Variants in NKD1 observed in about 807,000 individuals in gnomAD.
The protein encoded by NKD1 is protein naked cuticle homolog 1.
Under a neutral mutation model 56.0 loss-of-function variants are expected in NKD1, and 21 were observed. That is an observed-to-expected ratio of 0.38 (90% CI 0.27 to 0.54). The LOEUF is 0.54. Among genes scored for constraint, NKD1 ranks in the 20% least tolerant of loss-of-function variants. The probability of loss-of-function intolerance (pLI) is 0.82; values close to 1 mark genes in which losing one functional copy is unlikely to be tolerated. For missense variants in NKD1, 578 were observed against 642.7 expected (o/e 0.90, Z 1.09); for synonymous variants, 263 against 265.7 (o/e 0.99, Z 0.10).
chr16:50,594,020 A>G (rs1040004233), intron 3 of NKD1, among the ~76,000 whole-genome samples: 3 of 152,160 alleles, frequency 2.0e-5, no homozygotes, highest in East Asian at 1.9e-4. Flanking sequence ...CTTCCTCCCA[A>G]ACTTACAGTC....
At chr16:50,611,364 T>TCCGCAGGGCGTGGTCCAGC (rs1961843100) in intron 4 of NKD1, among the ~76,000 whole-genome samples, 2 of 121,654 alleles carry the variant, frequency 1.6e-5, no homozygotes, top group East Asian at 4.1e-4. Flanking sequence ...GGAAGGCTGC[T>TCCGCAGGGCGTGGTCCAGC]CTGCAGCTTC....
chr16:50,570,893 G>T (rs1319971999), intron 3 of NKD1: 1 of 985,440 alleles, frequency 1.0e-6, no homozygotes. Context: ...GGCAGGTATT[G>T]GAGTGATGTA....
rs184258567 is a variant in NKD1, at chr16:50,633,512, G to A, written c.1144G>A (p.Ala382Thr). 9.1e-5 allele frequency: 146 copies of A among 1,609,758 alleles called. 1 individual carries two copies. In the East Asian group the frequency reaches 1.2e-3, roughly 13 times the overall value. Residue 382 changes from alanine (A) to threonine (T), a missense_variant, in exon 10 of 10, where the codon GCC (alanine) becomes ACC (threonine). By Grantham distance (58) the Ala-to-Thr change is moderately conservative (BLOSUM62 0). Coordinates refer to ENST00000268459, the MANE Select transcript of NKD1 (RefSeq NM_033119.5). This position sits in a 1 kb window ranked among gnomAD's most constrained non-coding sequence, Gnocchi z 4.9. The part of the protein sequence containing the change: ...GPAIPAVSPS[A>T]HLAASPALLP... ...CGCCATCCCTGCGGTGTCCCCCTCC[G>A]CCCACCTGGCTGCCAGCCCGGCCCT...
intron 3 of NKD1, chr16:50,573,914 T>C: frequency 2.0e-6 from 2 of 985,424 alleles, no homozygotes; most frequent in South Asian, 9.4e-5. Flanking sequence ...CTGTTGACTA[T>C]ATATGTCTGG....
At position 50,621,628 on chromosome 16, in the gene NKD1, G is replaced by T; in HGVS notation, c.286G>T (p.Gly96Trp). Reference protein sequence around the residue: ...EVALPPEKTDGLGSGDEKKME... With the variant: ...EVALPPEKTDWLGSGDEKKME... Reference sequence around the variant, plus strand: ...GGCCCTGCCTCCTGAGAAGACTGACGGGCTGGGCAGCGGAGATGAGAAGAA... The same window carrying T: ...GGCCCTGCCTCCTGAGAAGACTGACTGGCTGGGCAGCGGAGATGAGAAGAA... Residue 96 changes from glycine to tryptophan, a missense_variant, in exon 5 of 10, where the codon GGG (glycine) becomes TGG (tryptophan). Gly to Trp is a radical substitution (Grantham distance 184). Coordinates refer to ENST00000268459, the MANE Select transcript of NKD1 (RefSeq NM_033119.5). The T allele has an allele frequency of 1.2e-6, 2 of 1,613,916 alleles. No individual in the cohort carries two copies. Among genetic ancestry groups the T allele is most frequent in the Non-Finnish European group, 8.5e-7 (1 of 1,179,870 alleles).
intron 6 of NKD1, among the ~76,000 whole-genome samples, chr16:50,626,511 G>A (rs1962218416): frequency 6.6e-6 from 1 of 152,200 alleles, no homozygotes; most frequent in Non-Finnish European, 1.5e-5. Context: ...CCTTGGGGGA[G>A]TCCTGGGCAG....
At chr16:50,606,728 C>T (rs566800062) in intron 3 of NKD1, 4 of 443,754 alleles carry the variant, frequency 9.0e-6, no homozygotes, top group South Asian at 4.7e-5. Context: ...GGGTGGCAGG[C>T]GCAGAGCCCC....
rs368073174 is a variant in NKD1 at position 50,589,766 on chromosome 16, C to T, written c.193-18528C>T. 9.0e-3 allele frequency among the ~76,000 whole-genome samples: 517 copies of T among 57,722 alleles called. 65 individuals carry two copies. Among genetic ancestry groups the T allele is most frequent in the South Asian group, 0.024 (24 of 1,006 alleles). The allele number at this position is 57,722 out of a possible 152,430, so 37.9% of individuals were successfully genotyped here. A position where few individuals can be genotyped will look rare whatever the true frequency, so the allele number is the denominator to read the frequency against. On this transcript the variant is annotated intron_variant, in intron 3 of 9. Coordinates refer to ENST00000268459, the MANE Select transcript of NKD1 (RefSeq NM_033119.5). ...TCTCTTCTCTTCTCTTCTCTTCTCT[C>T]CTCTCCTCTCCTCTCCTCTCCTCTC...
rs201547936 is a variant in NKD1, at chr16:50,633,312, C to T, written c.944C>T (p.Pro315Leu). ...IPHRKPQGVDPASFHFLDTPI... is the reference protein window; with the variant it reads ...IPHRKPQGVDLASFHFLDTPI... ...CACCGAAAGCCCCAAGGCGTGGACC[C>T]GGCCTCCTTCCACTTCCTTGACACC... The change falls in exon 10 of 10, where the codon CCG becomes CTG. Residue 315 changes from proline to leucine, a missense_variant. Pro to Leu is a moderately conservative substitution (Grantham distance 98). Transcript: ENST00000268459. The surrounding 1 kb of genome is among the most constrained non-coding windows in gnomAD (Gnocchi z 4.9). The T allele has an allele frequency of 5.3e-5, 85 of 1,614,050 alleles. No individual in the cohort carries two copies. The highest frequency in any genetic ancestry group is 6.8e-5 in the Non-Finnish European group (80 of 1,180,006).
intron 3 of NKD1, chr16:50,572,949 G>A: frequency 2.3e-6 from 2 of 862,304 alleles, no homozygotes; most frequent in Non-Finnish European, 2.8e-6. Context: ...GGAATCAGAT[G>A]AGTTTGAGTT....
rs913152249 is a variant in NKD1 at position 50,640,455 on chromosome 16, G to A, written c.*6674G>A. On this transcript the variant is annotated 3_prime_UTR_variant, in exon 10 of 10. Coordinates refer to ENST00000268459, the MANE Select transcript of NKD1 (RefSeq NM_033119.5). ...TAGCTGGTGCCTAGGCAGAGGGGCA[G>A]TCAGCAGTGGTTATCAGGATCCTGG... The A allele has an allele frequency of 1.3e-5, 2 of 152,276 alleles. No homozygotes were observed. The highest frequency in any genetic ancestry group is 2.9e-5 in the Non-Finnish European group (2 of 68,056). The allele number at this position is 152,276 out of a possible 1,614,324, so 9.4% of individuals were successfully genotyped here.
intron 3 of NKD1, among the ~76,000 whole-genome samples, chr16:50,573,433 C>G (rs1432341343): frequency 6.6e-6 from 1 of 152,268 alleles, no homozygotes; most frequent in Middle Eastern, 3.2e-3. Flanking sequence ...CTGGGCTCTT[C>G]TTCATCCCCT....
At chr16:50,576,834 C>G (rs986210989) in intron 3 of NKD1, among the ~76,000 whole-genome samples, 2 of 151,726 alleles carry the variant, frequency 1.3e-5, no homozygotes, top group Non-Finnish European at 2.9e-5. Flanking sequence ...GTCCACCCAC[C>G]CAGTGACCCA....
intron 3 of NKD1, chr16:50,607,300 C>T (rs1053283329): frequency 4.4e-6 from 1 of 227,498 alleles, no homozygotes. Flanking sequence ...TTCTTTTGTT[C>T]ATCAAGAAGA....
chr16:50,647,516 G>A lies in NKD1; in HGVS notation c.*13735G>A, dbSNP rs1208856957. On this transcript the variant is annotated 3_prime_UTR_variant, in exon 10 of 10. Coordinates refer to ENST00000268459, the MANE Select transcript of NKD1 (RefSeq NM_033119.5). Reference sequence around the variant, plus strand: ...GGTTGTTGATTTTGAGGTGGTCCTGGGAAAGACAGGGAGGAGAGTGGGGAA... The same window carrying A: ...GGTTGTTGATTTTGAGGTGGTCCTGAGAAAGACAGGGAGGAGAGTGGGGAA... 1 of 152,156 alleles carries A rather than the reference G, an allele frequency of 6.6e-6. No individual in the cohort carries two copies. 9.4% of individuals were successfully genotyped at this position (152,156 alleles called of 1,614,324 possible). A position where few individuals can be genotyped will look rare whatever the true frequency, so the allele number is the denominator to read the frequency against.
chr16:50,576,396 A>C (rs1960994649), intron 3 of NKD1, among the ~76,000 whole-genome samples: 2 of 152,222 alleles, frequency 1.3e-5, no homozygotes. Flanking sequence ...CCTGGTTTAA[A>C]TATTGATAAT....
At position 50,548,458 on chromosome 16, in the gene NKD1, C is replaced by A; in HGVS notation, c.-96C>A. ...GCGCCGCCTCGGGCTCCGCTCGGCT[C>A]GGGGGCTGCTTCGGGAGGAGGAGAG... On this transcript the variant is annotated 5_prime_UTR_variant, in exon 1 of 10. Coordinates refer to ENST00000268459, the MANE Select transcript of NKD1 (RefSeq NM_033119.5). 2.0e-6 allele frequency: 2 copies of A among 991,202 alleles called. No individual in the cohort carries two copies. The highest frequency in any genetic ancestry group is 3.6e-5 in the East Asian group (1 of 27,418). The allele number at this position is 991,202 out of a possible 1,614,324, so 61.4% of individuals were successfully genotyped here.
chr16:50,548,673 G>A, intron 1 of NKD1, 44 bp from the exon 2 acceptor site: 1 of 1,461,356 alleles, frequency 6.8e-7, no homozygotes. Context: ...TTCTCCCGCC[G>A]CCGCGGCTGC....
intron 3 of NKD1, among the ~76,000 whole-genome samples, chr16:50,597,096 C>T (rs890685666): frequency 2.6e-5 from 4 of 151,850 alleles, no homozygotes; most frequent in Admixed American, 1.3e-4. Context: ...GGGGTGGCGA[C>T]GAGGGCAGAG....
Sources: gnomAD v4.1 joint callset for allele counts (sites outside exome capture counted in the v4.1 genomes callset) on GRCh38, gnomAD v4.1.1 for gene constraint, Gnocchi (gnomAD v3.1) non-coding constraint, MANE v1.5 for transcripts, NCBI Gene and HGNC (gene_info 2026-07-23, HGNC 2026-07-21) for gene names.